The following PDE1C variants were observed in gnomAD, a reference collection of about 807,000 sequenced individuals.
PDE1C encodes the protein dual specificity calcium/calmodulin-dependent 3',5'-cyclic nucleotide phosphodiesterase 1C.
In PDE1C, 62 loss-of-function variants were observed where a neutral mutation model predicts 93.1. The observed-to-expected ratio is 0.67, with a 90% CI of 0.54 to 0.82. PDE1C has a LOEUF of 0.82. Among genes scored for constraint, PDE1C ranks in the 40% least tolerant of loss-of-function variants. PDE1C has a pLI of 0.00. For missense variants in PDE1C, 742 were observed against 884.6 expected (o/e 0.84, Z 2.04); for synonymous variants, 325 against 310.1 (o/e 1.05, Z -0.50).
chr7:31,905,765 A>G (rs1463802253), intron 2 of PDE1C, among the ~76,000 whole-genome samples: 6 of 152,114 alleles, frequency 3.9e-5, no homozygotes, highest in Admixed American at 3.9e-4. Flanking sequence ...TCTTATCTTG[A>G]ATTGTAGTTC....
chr7:31,900,109 T>C (rs776561011), intron 2 of PDE1C, among the ~76,000 whole-genome samples: 8 of 152,156 alleles, frequency 5.3e-5, no homozygotes, highest in Admixed American at 1.3e-4. Flanking sequence ...GTCTCTTTAA[T>C]TAAAAATTAA....
At chr7:32,176,291 GA>G (rs957409103) in intron 2 of PDE1C, among the ~76,000 whole-genome samples, 3 of 149,362 alleles carry the variant, frequency 2.0e-5, no homozygotes, top group East Asian at 2.0e-4. Flanking sequence ...CATTATAAGT[GA>G]AAAAAAAACC....
At chr7:31,827,138 C>T (rs1318306613) in intron 12 of PDE1C, among the ~76,000 whole-genome samples, 3 of 152,108 alleles carry the variant, frequency 2.0e-5, no homozygotes, top group African/African-American at 7.2e-5. Context: ...GGGCTTGATA[C>T]GTCCCTCACT....
chr7:31,794,132 GCAGACAGA>G (rs755488003), intron 16 of PDE1C, among the ~76,000 whole-genome samples: 2 of 147,662 alleles, frequency 1.4e-5, no homozygotes, highest in African/African-American at 2.5e-5. Flanking sequence ...AGGCAGGCAG[GCAGACAGA>G]CAGACAGACA....
chr7:31,936,528 C>T (rs559961769), intron 2 of PDE1C, among the ~76,000 whole-genome samples: 32 of 152,044 alleles, frequency 2.1e-4, no homozygotes, highest in East Asian at 1.5e-3. Context: ...GCGAGCAGGA[C>T]GTGCCAATAG....
chr7:31,655,684 A>G, the PDE1C span: 1 of 971,924 alleles, frequency 1.0e-6, no homozygotes, highest in East Asian at 1.1e-4. Flanking sequence ...CTCCTATATC[A>G]TGGCTCAGCT....
intron 14 of PDE1C, 54 bp from the exon 15 acceptor site, chr7:31,816,208 CGTTAGGAGAATGG>C: frequency 6.6e-7 from 1 of 1,523,358 alleles, no homozygotes; most frequent in Non-Finnish European, 9.0e-7. Flanking sequence ...GAGGTCATGC[CGTTAGGAGAATGG>C]CCTGTTTTAG....
chr7:31,916,199 T>C lies in PDE1C; in HGVS notation c.129-35339A>G, dbSNP rs1276008286. 2.0e-5 allele frequency among the ~76,000 whole-genome samples: 3 copies of C among 152,118 alleles called. No homozygotes were observed. In the East Asian group the frequency reaches 5.8e-4, roughly 29 times the overall value. ...CATGTACTGAACCTTGTTATATTAT[T>C]AATACTATTACTATTGACTTCCTCT... is the stretch of plus-strand genomic sequence containing the variant. On this transcript the variant is annotated intron_variant, in intron 2 of 17. Transcript: ENST00000396191.
chr7:32,214,081 T>C, intron 1 of PDE1C, among the ~76,000 whole-genome samples: 1 of 152,322 alleles, frequency 6.6e-6, no homozygotes, highest in Middle Eastern at 3.4e-3. Context: ...TGTTTGTATA[T>C]ATATGTACAT....
At chr7:32,116,396 G>T (rs1327628542) in intron 3 of PDE1C, among the ~76,000 whole-genome samples, 1 of 151,992 alleles carries the variant, frequency 6.6e-6, no homozygotes, top group African/African-American at 2.4e-5. Flanking sequence ...ATTCTCGGGG[G>T]AATAGGAGAA....
At chr7:31,922,943 C>T (rs549566845) in intron 2 of PDE1C, among the ~76,000 whole-genome samples, 1 of 152,228 alleles carries the variant, frequency 6.6e-6, no homozygotes, top group East Asian at 1.9e-4. Context: ...AGCCTCTATC[C>T]TTTCTTTCTG....
intron 2 of PDE1C, among the ~76,000 whole-genome samples, chr7:32,191,491 C>T (rs1406363727): frequency 6.6e-6 from 1 of 152,028 alleles, no homozygotes; most frequent in Non-Finnish European, 1.5e-5. Context: ...AATATGTAAC[C>T]TTAGGGGACT....
the PDE1C span, among the ~76,000 whole-genome samples, chr7:31,629,049 A>G: frequency 6.6e-6 from 1 of 152,150 alleles, no homozygotes; most frequent in Admixed American, 6.5e-5. Context: ...TTTGAAACCT[A>G]TCTATTGTCT....
intron 3 of PDE1C, among the ~76,000 whole-genome samples, chr7:32,169,096 T>C (rs1802483561): frequency 6.6e-6 from 1 of 152,146 alleles, no homozygotes. Flanking sequence ...ACTGTAAATA[T>C]ACTGTTTCAA....
rs186470361 is a variant in PDE1C, at chr7:31,946,389, C to T, written c.129-65529G>A. On this transcript the variant is annotated intron_variant, in intron 2 of 17. Transcript: ENST00000396191. The stretch of plus-strand genomic sequence containing the variant: ...ATAATCTAAGCCCAGGGCATAAAAC[C>T]CCTCGTGGCTTGGATGGAATCCAGG... Among the ~76,000 whole-genome samples, 1,236 of 152,178 alleles carry T rather than the reference C, an allele frequency of 8.1e-3. 9 individuals are homozygous for T. The highest frequency in any genetic ancestry group is 0.028 in the African/African-American group (1,170 of 41,522).
At chr7:31,690,212 C>T in the PDE1C span, among the ~76,000 whole-genome samples, 12 of 152,302 alleles carry the variant, frequency 7.9e-5, no homozygotes, top group East Asian at 3.9e-4. Flanking sequence ...CATTATACAA[C>T]GGGTCTTCCT....
At chr7:32,389,144 A>C (rs1379473541) in intron 1 of PDE1C, among the ~76,000 whole-genome samples, 2 of 131,512 alleles carry the variant, frequency 1.5e-5, no homozygotes, top group African/African-American at 5.8e-5. Context: ...ACAACCTTTA[A>C]ACTGATAGCT....
At chr7:32,112,838 G>GTATATATA (rs1798736843) in intron 3 of PDE1C, among the ~76,000 whole-genome samples, 3 of 61,318 alleles carry the variant, frequency 4.9e-5, no homozygotes, top group Non-Finnish European at 9.4e-5. Flanking sequence ...GTGTGTGTGT[G>GTATATATA]TGTGTGTGTA....
chr7:31,832,142 T>C (rs1393505951), intron 11 of PDE1C, among the ~76,000 whole-genome samples: 1 of 152,116 alleles, frequency 6.6e-6, no homozygotes, highest in African/African-American at 2.4e-5. Flanking sequence ...TAAAACAATC[T>C]GATAATTTCA....
Sources: gnomAD v4.1 joint callset for allele counts (sites outside exome capture counted in the v4.1 genomes callset) on GRCh38, gnomAD v4.1.1 for gene constraint, MANE v1.5 for transcripts, NCBI Gene and HGNC (gene_info 2026-07-23, HGNC 2026-07-21) for gene names.